Variants in SOX6 observed in about 807,000 individuals in gnomAD.
SOX6 encodes the protein transcription factor SOX-6.
Under a neutral mutation model 97.8 loss-of-function variants are expected in SOX6, and 11 were observed. That is an observed-to-expected ratio of 0.11 (90% CI 0.07 to 0.19). SOX6 has a LOEUF of 0.19. Among genes scored for constraint, SOX6 ranks in the 10% least tolerant of loss-of-function variants. The pLI is 1.00. For missense variants in SOX6, 810 were observed against 1,039.5 expected (o/e 0.78, Z 3.04); for synonymous variants, 360 against 371.4 (o/e 0.97, Z 0.35).
intron 3 of SOX6, among the ~76,000 whole-genome samples, chr11:16,636,464 G>A (rs534644970): frequency 6.6e-5 from 10 of 152,252 alleles, no homozygotes; most frequent in African/African-American, 2.2e-4. Context: ...GATTTTACAG[G>A]CTCATAGGTA....
intron 4 of SOX6, among the ~76,000 whole-genome samples, chr11:16,588,320 G>T (rs1182422231): frequency 6.6e-6 from 1 of 152,130 alleles, no homozygotes; most frequent in East Asian, 1.9e-4. Flanking sequence ...TTCCTAGAGA[G>T]AAGTGACTTA....
intron 2 of SOX6, among the ~76,000 whole-genome samples, chr11:16,326,091 C>T (rs1856080672): frequency 6.6e-6 from 1 of 152,134 alleles, no homozygotes. Flanking sequence ...TTATTAGCAG[C>T]AGTATTGGAC....
chr11:16,460,796 C>T (rs1289515626), intron 1 of SOX6, among the ~76,000 whole-genome samples: 1 of 152,096 alleles, frequency 6.6e-6, no homozygotes, highest in African/African-American at 2.4e-5. Flanking sequence ...GTACTAATCC[C>T]TATGTGAGAG....
chr11:16,565,727 A>AT (rs1847866241), intron 4 of SOX6, among the ~76,000 whole-genome samples: 1 of 6,372 alleles, frequency 1.6e-4, no homozygotes, highest in African/African-American at 5.9e-4. Context: ...TAAATAAAAA[A>AT]AAAAAAAAAA....
At position 16,518,184 on chromosome 11, in the gene SOX6, C is replaced by T. The variant is rs1451114383; in HGVS notation, n.610-41796G>A. On this transcript the variant is annotated intron_variant and non_coding_transcript_variant, in intron 4 of 5. Coordinates refer to the SOX6 transcript ENST00000524520. ...GCCAAATTTTCTTTCACAGCTTCATCTTGAAGACAGACAACAATTCTGCCA... is the reference window on the plus strand; with the variant it reads ...GCCAAATTTTCTTTCACAGCTTCATTTTGAAGACAGACAACAATTCTGCCA... 2.6e-5 allele frequency among the ~76,000 whole-genome samples: 4 copies of T among 152,276 alleles called. No individual in the cohort carries two copies. In the East Asian group the frequency reaches 5.8e-4, roughly 22 times the overall value.
chr11:16,340,760 C>A (rs1003905294), intron 2 of SOX6, among the ~76,000 whole-genome samples: 3 of 151,892 alleles, frequency 2.0e-5, no homozygotes, highest in African/African-American at 7.2e-5. Flanking sequence ...GATAACCAAT[C>A]CCCCCACAAA....
intron 3 of SOX6, among the ~76,000 whole-genome samples, chr11:16,240,210 C>T (rs997725465): frequency 2.7e-5 from 4 of 150,888 alleles, no homozygotes; most frequent in African/African-American, 7.3e-5. Flanking sequence ...ACGATTTGGT[C>T]ATTAAATCAG....
intron 4 of SOX6, among the ~76,000 whole-genome samples, chr11:16,573,090 C>T (rs1319535638): frequency 6.6e-6 from 1 of 152,142 alleles, no homozygotes; most frequent in African/African-American, 2.4e-5. Context: ...TATAATAGCT[C>T]CTGAAAGAAC....
chr11:16,159,159 C>G (rs1258302006), intron 6 of SOX6, among the ~76,000 whole-genome samples: 1 of 151,940 alleles, frequency 6.6e-6, no homozygotes, highest in Non-Finnish European at 1.5e-5. Flanking sequence ...AGTTTTTCTG[C>G]TGTTAGCCAA....
intron 13 of SOX6, among the ~76,000 whole-genome samples, chr11:16,000,570 G>C (rs1397753871): frequency 1.3e-5 from 2 of 150,010 alleles, no homozygotes; most frequent in African/African-American, 4.9e-5. Flanking sequence ...GAATGTTGAG[G>C]AAAACCATAA....
At position 16,147,267 on chromosome 11, in the gene SOX6, CTG is replaced by C. The variant is rs1850331284; in HGVS notation, c.778-35346_778-35345del. Among the ~76,000 whole-genome samples the C allele has an allele frequency of 5.9e-5, 9 of 152,228 alleles. No individual in the cohort carries two copies. In the South Asian group the frequency reaches 1.9e-3, roughly 32 times the overall value. ...TATCGCAAGGACAACAAACCAAACA[CTG>C]CATGTTCTCACTCATAGGTGGGAAT... On this transcript the variant is annotated intron_variant, in intron 6 of 15. Coordinates refer to ENST00000683767, the MANE Select transcript of SOX6 (RefSeq NM_001367873.1).
chr11:16,217,720 G>A (rs1440482274), intron 4 of SOX6, among the ~76,000 whole-genome samples: 2 of 152,066 alleles, frequency 1.3e-5, no homozygotes, highest in African/African-American at 4.8e-5. Context: ...GGAGCCATGT[G>A]CATATGTACA....
At chr11:16,346,732 G>A (rs1418754638) in intron 1 of SOX6, among the ~76,000 whole-genome samples, 1 of 151,964 alleles carries the variant, frequency 6.6e-6, no homozygotes, top group Non-Finnish European at 1.5e-5. Flanking sequence ...TAACACATGA[G>A]GACAGTAACT....
Position 16,341,138 on chromosome 11 carries a change from C to A in SOX6, c.111G>T (p.Val37=), listed in dbSNP as rs1856617911. The A allele has an allele frequency of 1.2e-6, 2 of 1,613,464 alleles. No homozygotes were observed. The highest frequency in any genetic ancestry group is 8.5e-7 in the Non-Finnish European group (1 of 1,179,578). The change falls in exon 2 of 16, where the codon GTG becomes GTT. Residue 37 remains valine, a synonymous_variant. Transcript: ENST00000683767. ...TGGGGTGCAGAGGCAGATGGGAGGC[C>A]ACATGTTGATCACTGCCCTCTTCCT... is the stretch of plus-strand genomic sequence containing the variant. ...REKEEGSDQH[V]ASHLPLHPIM...
At chr11:16,662,079 T>C (rs1847769998) in intron 3 of SOX6, among the ~76,000 whole-genome samples, 1 of 152,208 alleles carries the variant, frequency 6.6e-6, no homozygotes. Flanking sequence ...AAGGTTTTAT[T>C]TTTTTACCTC....
chr11:16,239,086 T>G (rs1287302743), intron 3 of SOX6, among the ~76,000 whole-genome samples: 1 of 152,102 alleles, frequency 6.6e-6, no homozygotes. Flanking sequence ...AACACAGAGT[T>G]GCACATGCCA....
intron 6 of SOX6, among the ~76,000 whole-genome samples, chr11:16,153,846 T>TAA (rs200957930): frequency 2.7e-5 from 4 of 149,478 alleles, no homozygotes; most frequent in African/African-American, 9.8e-5. Context: ...AAGTCAAAAA[T>TAA]AAAAAAAAAA....
At chr11:16,417,632 A>T (rs977683426) in intron 1 of SOX6, among the ~76,000 whole-genome samples, 8 of 152,230 alleles carry the variant, frequency 5.3e-5, no homozygotes, top group Admixed American at 4.6e-4. Flanking sequence ...TTGGAAAAAA[A>T]AATCAGTTTG....
intron 1 of SOX6, among the ~76,000 whole-genome samples, chr11:16,473,993 C>A (rs1471558605): frequency 6.6e-6 from 1 of 152,170 alleles, no homozygotes; most frequent in African/African-American, 2.4e-5. Flanking sequence ...CCTTTGTTGT[C>A]ATTTAAACAA....
Sources: allele counts gnomAD v4.1 joint callset (sites outside exome capture counted in the v4.1 genomes callset), GRCh38; gene constraint gnomAD v4.1.1; transcripts MANE v1.5; gene names NCBI Gene and HGNC (gene_info 2026-07-23, HGNC 2026-07-21).